The following SHLD2 variants were observed in gnomAD, a reference collection of about 807,000 sequenced individuals.
SHLD2 encodes the protein RINN1-REV7-interacting novel NHEJ regulator 2.
SHLD2 carries 30 observed loss-of-function variants against 73.2 expected under a neutral mutation model. The observed-to-expected ratio is 0.41, with a 90% CI of 0.31 to 0.56. The LOEUF (loss-of-function observed/expected upper bound fraction) is 0.56, where lower values mean the gene tolerates loss of function less well. Among genes scored for constraint, SHLD2 ranks in the 20% least tolerant of loss-of-function variants. SHLD2 has a pLI of 0.28. For synonymous variants in SHLD2, 285 were observed against 370.1 expected, an observed-to-expected ratio of 0.77 and a Z score of 2.64; for missense variants, 745 against 1,055.9, an observed-to-expected ratio of 0.71 and a Z score of 4.08.
At chr10:87,166,968 TG>T (rs376405285) in intron 4 of SHLD2, among the ~76,000 whole-genome samples, 25,326 of 152,124 alleles carry the variant, frequency 0.17, 2,180 homozygotes, top group Middle Eastern at 0.32. Flanking sequence ...TGTGTGTGTG[TG>T]TGTGTGTGTG....
intron 4 of SHLD2, among the ~76,000 whole-genome samples, chr10:87,169,872 A>G (rs1847466609): frequency 6.6e-6 from 1 of 152,186 alleles, no homozygotes; most frequent in Admixed American, 6.5e-5. Context: ...GCACGTGCTC[A>G]AAAGCTCTCT....
chr10:87,144,523 G>GA (rs1326039620), intron 2 of SHLD2, among the ~76,000 whole-genome samples: 3 of 150,606 alleles, frequency 2.0e-5, no homozygotes, highest in Non-Finnish European at 4.4e-5. Flanking sequence ...TGTTTCTGAG[G>GA]AAAAAAATCA....
intron 2 of SHLD2, among the ~76,000 whole-genome samples, chr10:87,142,121 G>A (rs938706555): frequency 6.6e-6 from 1 of 151,792 alleles, no homozygotes; most frequent in Non-Finnish European, 1.5e-5. Flanking sequence ...AAATTCTCTT[G>A]TACTTACCAG....
chr10:87,164,542 T>C (rs1266844878), intron 4 of SHLD2, among the ~76,000 whole-genome samples: 7 of 152,160 alleles, frequency 4.6e-5, no homozygotes, highest in Non-Finnish European at 8.8e-5. Context: ...TGTGAGCCAT[T>C]GTGCCTGGCC....
At chr10:87,159,740 A>AT (rs1484650717) in intron 4 of SHLD2, among the ~76,000 whole-genome samples, 2 of 152,198 alleles carry the variant, frequency 1.3e-5, no homozygotes, top group African/African-American at 4.8e-5. Flanking sequence ...AAGAGGGACA[A>AT]TCTACTGCTA....
At chr10:87,130,446 T>TA (rs1003890193) in intron 2 of SHLD2, among the ~76,000 whole-genome samples, 1 of 151,924 alleles carries the variant, frequency 6.6e-6, no homozygotes, top group East Asian at 2.0e-4. Flanking sequence ...ATGTGCTTTA[T>TA]GTTTCCCTGC....
At chr10:87,095,892 C>T (rs1041178873) in intron 1 of SHLD2, among the ~76,000 whole-genome samples, 1 of 152,160 alleles carries the variant, frequency 6.6e-6, no homozygotes, top group Non-Finnish European at 1.5e-5. Context: ...GATAGCTCCA[C>T]TGCACCCCAG....
intron 6 of SHLD2, among the ~76,000 whole-genome samples, chr10:87,171,403 G>A (rs1433969647): frequency 3.3e-5 from 5 of 152,032 alleles, no homozygotes; most frequent in African/African-American, 9.7e-5. Context: ...ATAAATTACT[G>A]TTTCATATTT....
chr10:87,154,561 A>G (rs574120670), intron 3 of SHLD2, among the ~76,000 whole-genome samples: 5 of 151,366 alleles, frequency 3.3e-5, no homozygotes, highest in Non-Finnish European at 7.4e-5. Context: ...TTGTATTTTT[A>G]GTAGAGACGG....
chr10:87,100,500 T>G (rs1842194716), intron 2 of SHLD2, among the ~76,000 whole-genome samples: 1 of 148,588 alleles, frequency 6.7e-6, no homozygotes, highest in Non-Finnish European at 1.5e-5. Context: ...TTTTTCGAAA[T>G]GGAGTCTCAC....
chr10:87,151,473 A>G lies in SHLD2; in HGVS notation c.119A>G (p.Gln40Arg), dbSNP rs1239747703. The change falls in exon 3 of 10, where the codon CAG (glutamine) becomes CGG (arginine). Residue 40 changes from glutamine (Q) to arginine (R), a missense_variant. Gln to Arg is a conservative substitution (Grantham distance 43). Coordinates refer to ENST00000298786, the MANE Select transcript of SHLD2 (RefSeq NM_001330112.2). ...GTTGCTGACCCCTGGAAAAAAATTC[A>G]GCTTTTATACAGTCAACATTCTTTA... ...MSVADPWKKI[Q>R]LLYSQHSLYL... The G allele has an allele frequency of 3.7e-6, 6 of 1,610,490 alleles. No homozygotes were observed. Among genetic ancestry groups the G allele is most frequent in the Admixed American group, 3.4e-5 (2 of 59,592 alleles).
chr10:87,127,088 C>G (rs935753585), intron 2 of SHLD2, among the ~76,000 whole-genome samples: 2 of 151,876 alleles, frequency 1.3e-5, no homozygotes, highest in African/African-American at 2.4e-5. Context: ...TTCCATGGCT[C>G]TTAGGAATAA....
intron 2 of SHLD2, among the ~76,000 whole-genome samples, chr10:87,102,194 T>C (rs1182659765): frequency 6.6e-6 from 1 of 152,226 alleles, no homozygotes; most frequent in Admixed American, 6.5e-5. Flanking sequence ...AACAATGCTG[T>C]AATAGATAAC....
chr10:87,101,581 C>T (rs892172554), intron 2 of SHLD2, among the ~76,000 whole-genome samples: 1 of 152,154 alleles, frequency 6.6e-6, no homozygotes, highest in Non-Finnish European at 1.5e-5. Context: ...TTCTTAACTT[C>T]ATTTTTAGAT....
chr10:87,126,483 C>A (rs1007661175), intron 2 of SHLD2, among the ~76,000 whole-genome samples: 3 of 151,858 alleles, frequency 2.0e-5, no homozygotes, highest in African/African-American at 7.3e-5. Context: ...CAGTTGATAA[C>A]CTTCTGTACT....
rs1467269034 is a variant in SHLD2 at position 87,152,198 on chromosome 10, G to A, written c.844G>A (p.Glu282Lys). 38 of 1,592,664 alleles carry A rather than the reference G, an allele frequency of 2.4e-5. No individual in the cohort carries two copies. The East Asian group carries it at 8.3e-4, about 35-fold the overall frequency. Residue 282 changes from glutamate (E) to lysine (K), a missense_variant, in exon 3 of 10, where the codon GAG becomes AAG. Physicochemically the swap from Glu to Lys is moderately conservative, Grantham distance 56. Transcript: ENST00000298786. ...GACTGAACCAAAGGCAAGTTACGGG[G>A]AGATAAGAATACCTGAAGAGAATTC... ...METEPKASYG[E>K]IRIPEENSIQ...
intron 7 of SHLD2, among the ~76,000 whole-genome samples, chr10:87,176,795 A>C (rs1847978804): frequency 6.6e-6 from 1 of 152,256 alleles, no homozygotes; most frequent in Admixed American, 6.5e-5. Flanking sequence ...CAGAAAACAA[A>C]GACAATACCT....
chr10:87,107,107 A>AAAAAAGAG (rs56386341), intron 2 of SHLD2, among the ~76,000 whole-genome samples: 3 of 146,502 alleles, frequency 2.0e-5, no homozygotes, highest in Middle Eastern at 3.5e-3. Flanking sequence ...AAAAAAAAAA[A>AAAAAAGAG]AGAGATTTAA....
At chr10:87,112,867 T>TA in intron 2 of SHLD2, among the ~76,000 whole-genome samples, 1 of 152,206 alleles carries the variant, frequency 6.6e-6, no homozygotes, top group South Asian at 2.1e-4. Context: ...AAGTTAAACA[T>TA]ACAGTTGCCA....
Sources: gnomAD v4.1 joint callset for allele counts (sites outside exome capture counted in the v4.1 genomes callset) on GRCh38, gnomAD v4.1.1 for gene constraint, MANE v1.5 for transcripts, NCBI Gene and HGNC (gene_info 2026-07-23, HGNC 2026-07-21) for gene names.